MAGI2: variants seen among roughly 807,000 people sequenced by gnomAD.
MAGI2 encodes the protein membrane-associated guanylate kinase, WW and PDZ domain-containing protein 2.
In MAGI2, 35 loss-of-function variants were observed where a neutral mutation model predicts 133.3. The ratio of observed to expected loss-of-function variants is 0.26; its 90% confidence interval spans 0.20 to 0.35. MAGI2 has a LOEUF of 0.35. MAGI2 is among the 10% of genes least tolerant of loss of function. The pLI, the probability that MAGI2 is intolerant of heterozygous loss-of-function variation, is 1.00. For synonymous variants in MAGI2, 729 were observed against 710.6 expected (o/e 1.03, Z -0.41); for missense variants, 1,636 against 1,863.4 (o/e 0.88, Z 2.25).
intron 2 of MAGI2, among the ~76,000 whole-genome samples, chr7:78,962,568 A>T (rs1291937388): frequency 6.6e-6 from 1 of 151,292 alleles, no homozygotes; most frequent in African/African-American, 2.4e-5. Flanking sequence ...CAGAAAATGT[A>T]ATTTAGGTTC....
intron 6 of MAGI2, chr7:78,486,791 T>C (rs748467877): frequency 1.6e-5 from 7 of 424,980 alleles, no homozygotes; most frequent in Admixed American, 2.7e-5. Flanking sequence ...GAAATTCCTA[T>C]CATGTATCTT....
intron 1 of MAGI2, among the ~76,000 whole-genome samples, chr7:79,387,252 C>T (rs1186579059): frequency 2.0e-5 from 3 of 151,924 alleles, no homozygotes; most frequent in Non-Finnish European, 2.9e-5. Context: ...AGTGGGATTT[C>T]CATTTGCTTA....
intron 8 of MAGI2, chr7:78,345,678 TA>T (rs1790830762): frequency 4.4e-6 from 2 of 451,284 alleles, no homozygotes; most frequent in Non-Finnish European, 7.9e-6. Context: ...AAAAATCCAT[TA>T]ATCTCCACGT....
intron 1 of MAGI2, chr7:79,414,577 AT>A (rs1330980944): frequency 6.6e-6 from 1 of 152,146 alleles, no homozygotes. Flanking sequence ...TTGTTTAAAA[AT>A]ATTCCAGATG....
Position 78,736,516 on chromosome 7 carries a change from G to A in MAGI2, c.419-109277C>T, listed in dbSNP as rs555474646. Reference sequence around the variant, plus strand: ...ATTAGTGAGGCAACAATCTTAAAGAGGTCATAACCCTAGAATAGATGTTCT... The same window carrying A: ...ATTAGTGAGGCAACAATCTTAAAGAAGTCATAACCCTAGAATAGATGTTCT... On this transcript the variant is annotated intron_variant, in intron 2 of 21. Coordinates refer to ENST00000354212, the MANE Select transcript of MAGI2 (RefSeq NM_012301.4). Among the ~76,000 whole-genome samples, 4 of 152,248 alleles carry A rather than the reference G, an allele frequency of 2.6e-5. 1 individual carries two copies. The South Asian group carries it at 8.3e-4, about 32-fold the overall frequency.
chr7:78,033,067 C>T (rs912218839), intron 21 of MAGI2, among the ~76,000 whole-genome samples: 9 of 152,108 alleles, frequency 5.9e-5, no homozygotes, highest in African/African-American at 2.2e-4. Flanking sequence ...GAATCAAGAA[C>T]AGCAGTCTGG....
chr7:78,353,330 A>C (rs1162824044), intron 7 of MAGI2, among the ~76,000 whole-genome samples: 1 of 152,204 alleles, frequency 6.6e-6, no homozygotes, highest in East Asian at 1.9e-4. Context: ...TTGATTCCTC[A>C]GTATTCTGGG....
At chr7:79,407,784 A>G (rs1444249657) in intron 1 of MAGI2, among the ~76,000 whole-genome samples, 1 of 152,040 alleles carries the variant, frequency 6.6e-6, no homozygotes, top group Non-Finnish European at 1.5e-5. Flanking sequence ...TGAGAGCAAT[A>G]TATTCTGAGT....
In MAGI2 at chr7:78,148,547, G is replaced by C. The variant is rs1823544864; in HGVS notation, c.2845+11478C>G. 2.6e-5 allele frequency among the ~76,000 whole-genome samples: 4 copies of C among 152,106 alleles called. 1 individual carries two copies. In the South Asian group the frequency reaches 8.3e-4, roughly 31 times the overall value. On this transcript the variant is annotated intron_variant, in intron 16 of 21. Transcript: ENST00000354212. ...GAGGTTTTGGATGGAAATAAATAGA[G>C]ATAAGTAAAAAGGAACTGATGTAGA...
intron 1 of MAGI2, among the ~76,000 whole-genome samples, chr7:79,431,066 T>C (rs1351033432): frequency 6.6e-6 from 1 of 152,142 alleles, no homozygotes; most frequent in Admixed American, 6.5e-5. Context: ...ATAATCATAA[T>C]AATTGGAACC....
intron 16 of MAGI2, among the ~76,000 whole-genome samples, chr7:78,156,957 T>C (rs2868865): frequency 0.84 from 127,779 of 152,242 alleles, 53,793 homozygotes; most frequent in East Asian, 0.91. Flanking sequence ...GATTCTTAAG[T>C]ACCTGATAGC....
intron 21 of MAGI2, among the ~76,000 whole-genome samples, chr7:78,045,153 G>A (rs531021607): frequency 2.0e-5 from 3 of 152,134 alleles, no homozygotes; most frequent in Non-Finnish European, 4.4e-5. Context: ...GCGATAGAGC[G>A]AGACTTGGTC....
rs138828068 is a variant in MAGI2, at chr7:78,996,721, A to T, written c.418+10369T>A. Among the ~76,000 whole-genome samples, 248 of 152,350 alleles carry T rather than the reference A, an allele frequency of 1.6e-3. 2 individuals carry two copies. The highest frequency in any genetic ancestry group is 5.7e-3 in the African/African-American group (237 of 41,588). On this transcript the variant is annotated intron_variant, in intron 2 of 21. Transcript: ENST00000354212. Reference sequence around the variant, plus strand: ...GAAAGTATGTTCTACCTCTTCTAGGATCGACTTTAAAAACTTTCCATTCCC... The same window carrying T: ...GAAAGTATGTTCTACCTCTTCTAGGTTCGACTTTAAAAACTTTCCATTCCC...
chr7:78,180,021 G>GAT (rs1310506311), intron 13 of MAGI2, among the ~76,000 whole-genome samples: 1 of 152,204 alleles, frequency 6.6e-6, no homozygotes, highest in Admixed American at 6.5e-5. Flanking sequence ...GGAGATGACA[G>GAT]ATATTGCTCA....
At chr7:78,082,405 T>C (rs1816080516) in intron 20 of MAGI2, among the ~76,000 whole-genome samples, 1 of 152,146 alleles carries the variant, frequency 6.6e-6, no homozygotes, top group Admixed American at 6.5e-5. Flanking sequence ...GCCTCAGGAA[T>C]GAGGCTCCGG....
chr7:79,337,242 C>G (rs1840500212), intron 1 of MAGI2, among the ~76,000 whole-genome samples: 2 of 152,098 alleles, frequency 1.3e-5, no homozygotes, highest in Non-Finnish European at 2.9e-5. Flanking sequence ...TACAAAGTTT[C>G]CAAGCGATCT....
At chr7:78,271,317 GA>G (rs1381295415) in intron 9 of MAGI2, among the ~76,000 whole-genome samples, 1 of 152,168 alleles carries the variant, frequency 6.6e-6, no homozygotes, top group East Asian at 1.9e-4. Context: ...CTTGATCGTG[GA>G]GGATAAGCTT....
At chr7:78,490,653 T>A (rs1415404293) in intron 5 of MAGI2, among the ~76,000 whole-genome samples, 1 of 152,114 alleles carries the variant, frequency 6.6e-6, no homozygotes, top group Non-Finnish European at 1.5e-5. Flanking sequence ...CAAAGAACTA[T>A]CAAATAAGAA....
At chr7:78,252,492 C>T (rs891639244) in intron 10 of MAGI2, 1 of 151,000 alleles carries the variant, frequency 6.6e-6, no homozygotes, top group Non-Finnish European at 1.5e-5. Context: ...GAAGTTAGGC[C>T]CTTAATTCAC....
Sources: allele counts gnomAD v4.1 joint callset (sites outside exome capture counted in the v4.1 genomes callset), GRCh38; gene constraint gnomAD v4.1.1; transcripts MANE v1.5; gene names NCBI Gene and HGNC (gene_info 2026-07-23, HGNC 2026-07-21).